Variants in LRRC4C observed in about 807,000 individuals in gnomAD.
LRRC4C encodes leucine rich repeat containing 4C, also known as leucine-rich repeat-containing protein 4C.
In LRRC4C, 5 loss-of-function variants were observed where a neutral mutation model predicts 33.6. That is an observed-to-expected ratio of 0.15 (90% confidence interval 0.08 to 0.31). LRRC4C has a LOEUF of 0.31. LRRC4C is among the 10% of genes least tolerant of loss of function. LRRC4C has a pLI of 1.00. For missense variants in LRRC4C, 560 were observed against 796.7 expected, an observed-to-expected ratio of 0.70 and a Z score of 3.58; for synonymous variants, 329 against 302.0, an observed-to-expected ratio of 1.09 and a Z score of -0.93.
chr11:40,298,738 T>C (rs1944632057), intron 4 of LRRC4C, among the ~76,000 whole-genome samples: 1 of 152,090 alleles, frequency 6.6e-6, no homozygotes. Flanking sequence ...CAGTTCCACA[T>C]GGCTGGGGAG....
intron 1 of LRRC4C, among the ~76,000 whole-genome samples, chr11:40,996,756 C>G (rs1854005680): frequency 1.3e-5 from 2 of 152,078 alleles, no homozygotes; most frequent in African/African-American, 4.8e-5. Flanking sequence ...ACAGGAGTGT[C>G]ACATGGTCAG....
At chr11:40,413,168 T>C (rs1950211783) in intron 3 of LRRC4C, among the ~76,000 whole-genome samples, 1 of 152,058 alleles carries the variant, frequency 6.6e-6, no homozygotes, top group Non-Finnish European at 1.5e-5. Flanking sequence ...CAGGTAATGG[T>C]TCATCAAGTG....
intron 3 of LRRC4C, among the ~76,000 whole-genome samples, chr11:40,464,478 G>C (rs1952559391): frequency 6.6e-6 from 1 of 151,896 alleles, no homozygotes; most frequent in Non-Finnish European, 1.5e-5. Flanking sequence ...CTAGCAAGAG[G>C]AATCAGGAAA....
At chr11:41,016,155 G>T (rs536604478) in intron 1 of LRRC4C, among the ~76,000 whole-genome samples, 1 of 132,534 alleles carries the variant, frequency 7.5e-6, no homozygotes, top group South Asian at 2.8e-4. Flanking sequence ...ATTTGTCTTA[G>T]TATAGAAAAA....
intron 2 of LRRC4C, among the ~76,000 whole-genome samples, chr11:40,817,736 T>C (rs1447969337): frequency 2.6e-5 from 4 of 152,162 alleles, no homozygotes; most frequent in Non-Finnish European, 5.9e-5. Context: ...TCATCAACTT[T>C]CACCCATGCT....
intron 1 of LRRC4C, among the ~76,000 whole-genome samples, chr11:41,377,725 A>G (rs545162074): frequency 1.7e-4 from 26 of 152,238 alleles, no homozygotes; most frequent in African/African-American, 5.8e-4. Flanking sequence ...AAGCACTGAA[A>G]TGTTTTACTC....
chr11:40,125,792 C>A (rs778042128), intron 6 of LRRC4C, among the ~76,000 whole-genome samples: 1 of 152,086 alleles, frequency 6.6e-6, no homozygotes, highest in Admixed American at 6.6e-5. Context: ...CTAGAATACA[C>A]AGGAGAAAAA....
intron 2 of LRRC4C, among the ~76,000 whole-genome samples, chr11:40,916,944 A>G (rs1956988440): frequency 6.6e-6 from 1 of 152,122 alleles, no homozygotes; most frequent in South Asian, 2.1e-4. Flanking sequence ...TCTTTCTTAG[A>G]AGAAAACTAA....
chr11:40,121,708 A>G (rs1855840120), intron 6 of LRRC4C, among the ~76,000 whole-genome samples: 2 of 152,224 alleles, frequency 1.3e-5, no homozygotes, highest in South Asian at 4.1e-4. Context: ...AGAGACACAG[A>G]AGCAAGTATA....
At chr11:40,393,905 A>G (rs1278163686) in intron 3 of LRRC4C, among the ~76,000 whole-genome samples, 1 of 152,134 alleles carries the variant, frequency 6.6e-6, no homozygotes, top group African/African-American at 2.4e-5. Context: ...ACAGACACAT[A>G]GCAGAAAGAA....
Position 40,533,431 on chromosome 11 carries a change from C to T in LRRC4C, c.-270+114711G>A, listed in dbSNP as rs1339994926. 2.0e-5 allele frequency among the ~76,000 whole-genome samples: 3 copies of T among 152,026 alleles called. No homozygotes were observed. The East Asian group carries it at 5.8e-4, about 30-fold the overall frequency. ...GCCAATACGTCATGATTATTTGCCT[C>T]AGGGTCTCTTTTTGCCTTTGATTTT... On this transcript the variant is annotated intron_variant, in intron 3 of 6. Coordinates refer to ENST00000528697, the MANE Select transcript of LRRC4C (RefSeq NM_001258419.2).
At chr11:40,178,129 G>T (rs939583810) in intron 5 of LRRC4C, among the ~76,000 whole-genome samples, 1 of 152,154 alleles carries the variant, frequency 6.6e-6, no homozygotes, top group Non-Finnish European at 1.5e-5. Context: ...CAAATAGGCC[G>T]CCACGACATC....
intron 1 of LRRC4C, among the ~76,000 whole-genome samples, chr11:41,120,492 C>A (rs1942366843): frequency 6.6e-6 from 1 of 152,128 alleles, no homozygotes; most frequent in Admixed American, 6.6e-5. Context: ...AGTGGAGGCA[C>A]TAATGGAGGA....
At chr11:40,454,973 C>T (rs550430080) in intron 3 of LRRC4C, among the ~76,000 whole-genome samples, 4 of 152,188 alleles carry the variant, frequency 2.6e-5, no homozygotes, top group African/African-American at 9.6e-5. Flanking sequence ...TATTCATTAT[C>T]CTTTTAAATG....
At chr11:40,375,277 T>C (rs1704323814) in intron 3 of LRRC4C, among the ~76,000 whole-genome samples, 1 of 152,160 alleles carries the variant, frequency 6.6e-6, no homozygotes, top group Non-Finnish European at 1.5e-5. Context: ...AAGTGGCCTT[T>C]ATAATTGAAA....
intron 1 of LRRC4C, among the ~76,000 whole-genome samples, chr11:41,012,875 CT>C (rs1482142653): frequency 6.6e-6 from 1 of 152,142 alleles, no homozygotes; most frequent in Non-Finnish European, 1.5e-5. Flanking sequence ...TATTGGCCAT[CT>C]GTATGTGTTC....
At chr11:41,022,995 G>A (rs964939417) in intron 1 of LRRC4C, among the ~76,000 whole-genome samples, 3 of 151,890 alleles carry the variant, frequency 2.0e-5, no homozygotes, top group African/African-American at 7.2e-5. Flanking sequence ...TAAAAATCCA[G>A]AAGGAGATGC....
intron 1 of LRRC4C, among the ~76,000 whole-genome samples, chr11:41,389,572 T>C (rs1293665551): frequency 6.8e-6 from 1 of 146,602 alleles, no homozygotes; most frequent in Non-Finnish European, 1.5e-5. Context: ...GCACCAAAGA[T>C]ATACTTTCCT....
At chr11:41,149,529 AAAAAG>A (rs1943895054) in intron 1 of LRRC4C, among the ~76,000 whole-genome samples, 1 of 151,800 alleles carries the variant, frequency 6.6e-6, no homozygotes, top group East Asian at 1.9e-4. Flanking sequence ...AAAAAAAAAA[AAAAAG>A]AAGGGCTGAA....
Sources: gnomAD v4.1 joint callset for allele counts (sites outside exome capture counted in the v4.1 genomes callset) on GRCh38, gnomAD v4.1.1 for gene constraint, MANE v1.5 for transcripts, NCBI Gene and HGNC (gene_info 2026-07-23, HGNC 2026-07-21) for gene names.